The following NCK2 variants were observed in gnomAD, a reference collection of about 807,000 sequenced individuals.
NCK2 encodes the protein NCK adaptor protein 2.
A neutral mutation model predicts 33.9 loss-of-function variants in NCK2; 16 were observed. That is an observed-to-expected ratio of 0.47 (90% CI 0.32 to 0.72). NCK2 has a LOEUF of 0.72. Ranked by LOEUF, NCK2 falls within the 30% of genes least tolerant of loss-of-function variation. The pLI is 0.03. For missense variants in NCK2, 418 were observed against 537.3 expected (o/e 0.78, Z 2.19); for synonymous variants, 273 against 239.9 (o/e 1.14, Z -1.27).
In NCK2 at chr2:105,780,418, C is replaced by T. The variant is rs17031751; in HGVS notation, c.-201+35280C>T. ...TCTCCCTTTCTGGCTCTCTCATTTT[C>T]GTTTGGTATCTGGGTTAAAATTCTA... On this transcript the variant is annotated intron_variant, in intron 1 of 4. Transcript: ENST00000233154. Among the ~76,000 whole-genome samples, 639 of 152,028 alleles carry T rather than the reference C, an allele frequency of 4.2e-3. 4 individuals carry two copies. The highest frequency in any genetic ancestry group is 0.014 in the African/African-American group (594 of 41,464).
At chr2:105,813,059 G>GA (rs1675350439) in intron 1 of NCK2, among the ~76,000 whole-genome samples, 2 of 152,350 alleles carry the variant, frequency 1.3e-5, no homozygotes, top group South Asian at 4.1e-4. Flanking sequence ...TTTGTCAGGA[G>GA]AAGGAGCACT....
At chr2:105,787,915 C>T (rs576014783) in intron 1 of NCK2, among the ~76,000 whole-genome samples, 23 of 152,086 alleles carry the variant, frequency 1.5e-4, no homozygotes, top group East Asian at 5.8e-4. Context: ...CCACCGCCCC[C>T]GACTTGTAGA....
In NCK2 at chr2:105,745,106, T is replaced by C. The variant is rs1179753775; in HGVS notation, c.-233T>C. The C allele has an allele frequency of 1.4e-5, 2 of 147,356 alleles. No individual in the cohort carries two copies. Among genetic ancestry groups the C allele is most frequent in the Non-Finnish European group, 3.0e-5 (2 of 66,306 alleles). 9.1% of individuals were successfully genotyped at this position (147,356 alleles called of 1,614,324 possible). Reference sequence around the variant, plus strand: ...GCCACCGCCCCGGGACCCGCGCCGCTGCCCTCCGGCTCCGCGGGCGGCCCA... The same window carrying C: ...GCCACCGCCCCGGGACCCGCGCCGCCGCCCTCCGGCTCCGCGGGCGGCCCA... On this transcript the variant is annotated 5_prime_UTR_variant, in exon 1 of 5. Transcript: ENST00000233154.
intron 2 of NCK2, among the ~76,000 whole-genome samples, chr2:105,818,187 C>T (rs1329668784): frequency 6.8e-6 from 1 of 147,062 alleles, no homozygotes; most frequent in Non-Finnish European, 1.5e-5. Flanking sequence ...GACAAAAAAC[C>T]AAACACTGCA....
intron 1 of NCK2, among the ~76,000 whole-genome samples, chr2:105,793,536 A>G (rs1690968374): frequency 6.6e-6 from 1 of 152,234 alleles, no homozygotes; most frequent in African/African-American, 2.4e-5. Context: ...CTGGCTAACA[A>G]GTTTATTTGG....
intron 1 of NCK2, among the ~76,000 whole-genome samples, chr2:105,759,932 T>G (rs1456984821): frequency 6.6e-6 from 1 of 152,188 alleles, no homozygotes; most frequent in African/African-American, 2.4e-5. Context: ...CCATTTTGTA[T>G]CAAGGGTCCA....
chr2:105,865,544 G>A (rs933383693), intron 3 of NCK2, among the ~76,000 whole-genome samples: 6 of 152,106 alleles, frequency 3.9e-5, no homozygotes, highest in East Asian at 1.9e-4. Flanking sequence ...CTGCCCTTGC[G>A]CTAGCCCCCA....
chr2:105,841,303 A>G (rs978710933), intron 2 of NCK2, among the ~76,000 whole-genome samples: 1 of 152,214 alleles, frequency 6.6e-6, no homozygotes, highest in African/African-American at 2.4e-5. Flanking sequence ...TCTGTGGCTT[A>G]TGTTTTTTCC....
At chr2:105,835,402 T>TATAC in intron 2 of NCK2, among the ~76,000 whole-genome samples, 1 of 73,130 alleles carries the variant, frequency 1.4e-5, no homozygotes, top group South Asian at 5.8e-4. Flanking sequence ...TATATATATA[T>TATAC]ATACGTGTAT....
intron 1 of NCK2, among the ~76,000 whole-genome samples, chr2:105,806,331 G>A (rs1345547421): frequency 2.7e-5 from 4 of 147,996 alleles, no homozygotes; most frequent in South Asian, 4.3e-4. Context: ...TCCGCCTCCC[G>A]GGTTCACGCC....
At chr2:105,763,129 C>A (rs1481205719) in intron 1 of NCK2, among the ~76,000 whole-genome samples, 1 of 152,142 alleles carries the variant, frequency 6.6e-6, no homozygotes, top group Non-Finnish European at 1.5e-5. Flanking sequence ...ACCCAGAAGG[C>A]AGAGGTTGCA....
At chr2:105,885,329 G>C (rs901208094) in intron 4 of NCK2, among the ~76,000 whole-genome samples, 2 of 152,106 alleles carry the variant, frequency 1.3e-5, no homozygotes, top group Admixed American at 1.3e-4. Flanking sequence ...GAGAAAAACT[G>C]TCTCGCTAAG....
chr2:105,784,427 A>G (rs899337967), intron 1 of NCK2, among the ~76,000 whole-genome samples: 1 of 152,200 alleles, frequency 6.6e-6, no homozygotes, highest in Non-Finnish European at 1.5e-5. Flanking sequence ...AAGCTGTTTA[A>G]AACAGCCTTT....
At chr2:105,860,432 T>C (rs1037770089) in intron 3 of NCK2, among the ~76,000 whole-genome samples, 4 of 152,168 alleles carry the variant, frequency 2.6e-5, no homozygotes, top group African/African-American at 9.7e-5. Flanking sequence ...CCTGCTCTGG[T>C]GTAGTGTGTA....
chr2:105,844,081 A>G (rs1676752305), intron 2 of NCK2, among the ~76,000 whole-genome samples: 1 of 151,422 alleles, frequency 6.6e-6, no homozygotes, highest in Non-Finnish European at 1.5e-5. Flanking sequence ...CTGATCAGGT[A>G]TTTTGCAGAA....
intron 1 of NCK2, among the ~76,000 whole-genome samples, chr2:105,760,205 A>T (rs1482822000): frequency 6.6e-6 from 1 of 152,128 alleles, no homozygotes; most frequent in African/African-American, 2.4e-5. Context: ...CAAGATTTTC[A>T]GTGGGGATAG....
chr2:105,869,154 C>T (rs1336871761), intron 3 of NCK2, among the ~76,000 whole-genome samples: 2 of 152,196 alleles, frequency 1.3e-5, no homozygotes, highest in East Asian at 1.9e-4. Flanking sequence ...ATCTGAGCTG[C>T]TCCTGACCCT....
intron 1 of NCK2, among the ~76,000 whole-genome samples, chr2:105,784,661 T>G (rs1227085480): frequency 2.0e-5 from 3 of 152,244 alleles, no homozygotes; most frequent in African/African-American, 7.2e-5. Context: ...TTACAAATGC[T>G]TGCCATAAAA....
Position 105,747,620 on chromosome 2 carries a change from A to G in NCK2, c.-201+2482A>G, listed in dbSNP as rs79841282. Among the ~76,000 whole-genome samples, 17 of 152,348 alleles carry G rather than the reference A, an allele frequency of 1.1e-4. No homozygotes were observed. The East Asian group carries it at 3.3e-3, about 29-fold the overall frequency. On this transcript the variant is annotated intron_variant, in intron 1 of 4. Transcript: ENST00000233154. Reference sequence around the variant, plus strand: ...GGAGGATGATGAGTGATGTTTGGAAAAACAAGTAAGCTAACTTTTTTCACA... The same window carrying G: ...GGAGGATGATGAGTGATGTTTGGAAGAACAAGTAAGCTAACTTTTTTCACA...
Sources: allele counts gnomAD v4.1 joint callset (sites outside exome capture counted in the v4.1 genomes callset), GRCh38; gene constraint gnomAD v4.1.1; transcripts MANE v1.5; gene names NCBI Gene and HGNC (gene_info 2026-07-23, HGNC 2026-07-21).